RIN3: variants seen among roughly 807,000 people sequenced by gnomAD.
RIN3 encodes the protein Ras and Rab interactor 3, also known as RAB5 interacting protein 3.
RIN3 carries 54 observed loss-of-function variants against 76.3 expected under a neutral mutation model. That is an observed-to-expected ratio of 0.71 (90% confidence interval 0.57 to 0.89). The LOEUF (loss-of-function observed/expected upper bound fraction) is 0.89. Among genes scored for constraint, RIN3 ranks in the 40% least tolerant of loss-of-function variants. The pLI, the probability that RIN3 is intolerant of heterozygous loss-of-function variation, is 0.00. For missense variants in RIN3, 1,256 were observed against 1,322.1 expected (o/e 0.95, Z 0.78); for synonymous variants, 576 against 564.0 (o/e 1.02, Z -0.30).
At chr14:92,614,825 T>C (rs1885888439) in intron 3 of RIN3, among the ~76,000 whole-genome samples, 3 of 147,694 alleles carry the variant, frequency 2.0e-5, no homozygotes, top group Admixed American at 2.0e-4. Flanking sequence ...ATATATAAAT[T>C]ATCCAGTCTC....
chr14:92,522,023 A>C (rs781139404), intron 1 of RIN3, among the ~76,000 whole-genome samples: 2 of 152,068 alleles, frequency 1.3e-5, no homozygotes, highest in Non-Finnish European at 2.9e-5. Context: ...GAGCCCTAAG[A>C]ATCTGGGGTG....
chr14:92,583,756 T>C (rs777915784), intron 3 of RIN3, among the ~76,000 whole-genome samples: 16 of 152,246 alleles, frequency 1.1e-4, no homozygotes, highest in Non-Finnish European at 1.9e-4. Flanking sequence ...TTCATTTTAA[T>C]GGCTGCATAG....
chr14:92,599,556 T>C (rs1885271608), intron 3 of RIN3, among the ~76,000 whole-genome samples: 1 of 152,010 alleles, frequency 6.6e-6, no homozygotes. Context: ...TGAGCGTCGG[T>C]GCCTGGGAGA....
intron 4 of RIN3, among the ~76,000 whole-genome samples, chr14:92,618,338 G>C (rs1886048037): frequency 1.3e-5 from 2 of 152,118 alleles, no homozygotes; most frequent in Non-Finnish European, 2.9e-5. Flanking sequence ...TCACATCAAG[G>C]ATGCCATCGT....
intron 1 of RIN3, among the ~76,000 whole-genome samples, chr14:92,538,275 G>A (rs1897054303): frequency 6.6e-6 from 1 of 152,320 alleles, no homozygotes; most frequent in East Asian, 1.9e-4. Context: ...GGCCCTTAGG[G>A]ACGATTTTTA....
intron 2 of RIN3, among the ~76,000 whole-genome samples, chr14:92,575,460 G>C (rs968990157): frequency 1.3e-5 from 2 of 152,130 alleles, no homozygotes; most frequent in Non-Finnish European, 2.9e-5. Flanking sequence ...CTGGTACACT[G>C]TCTCATACTC....
At chr14:92,528,542 C>T (rs1433226871) in intron 1 of RIN3, among the ~76,000 whole-genome samples, 3 of 151,956 alleles carry the variant, frequency 2.0e-5, no homozygotes, top group Non-Finnish European at 4.4e-5. Context: ...CCCCCTTGTC[C>T]ACTCCACTCA....
intron 4 of RIN3, among the ~76,000 whole-genome samples, chr14:92,622,935 C>T (rs538951006): frequency 4.7e-4 from 72 of 152,278 alleles, no homozygotes; most frequent in Non-Finnish European, 8.5e-4. Flanking sequence ...ATTTCGTGTT[C>T]GTTCACGGGG....
At chr14:92,614,773 T>C (rs1017887349) in intron 3 of RIN3, among the ~76,000 whole-genome samples, 5 of 150,206 alleles carry the variant, frequency 3.3e-5, no homozygotes, top group Admixed American at 2.0e-4. Context: ...ACCAGCCACA[T>C]AGAACTGTGA....
intron 8 of RIN3, 42 bp from the exon 9 acceptor site, chr14:92,684,945 G>C (rs374119830): frequency 6.3e-7 from 1 of 1,583,300 alleles, no homozygotes; most frequent in Non-Finnish European, 8.6e-7. Context: ...TCTGGTGGGC[G>C]GAGGCGGTCC....
chr14:92,625,032 C>A (rs1028446804), intron 4 of RIN3, among the ~76,000 whole-genome samples: 9 of 152,188 alleles, frequency 5.9e-5, no homozygotes, highest in East Asian at 1.9e-4. Flanking sequence ...CAAGAGGCAG[C>A]GTTTGCGCTA....
At chr14:92,640,209 CCTGA>C (rs371051624) in intron 4 of RIN3, among the ~76,000 whole-genome samples, 4,303 of 77,126 alleles carry the variant, frequency 0.056, 363 homozygotes, top group Non-Finnish European at 0.087. Flanking sequence ...TCGGGGGCTG[CCTGA>C]CTGTGCGTTT....
At chr14:92,563,283 C>T (rs1281488501) in intron 2 of RIN3, among the ~76,000 whole-genome samples, 2 of 152,122 alleles carry the variant, frequency 1.3e-5, no homozygotes, top group Non-Finnish European at 2.9e-5. Flanking sequence ...ATCGCTTGAA[C>T]CCGGGAGGCA....
At chr14:92,686,527 C>T (rs1595512417) in intron 9 of RIN3, 1 of 152,342 alleles carries the variant, frequency 6.6e-6, no homozygotes, top group Non-Finnish European at 1.5e-5. Flanking sequence ...CCTCCCAACA[C>T]CCCGGACTCC....
At position 92,652,344 on chromosome 14, in the gene RIN3, A is replaced by G. The variant is rs745897390; in HGVS notation, c.1295A>G (p.Gln432Arg). The G allele has an allele frequency of 6.2e-7, 1 of 1,605,258 alleles. No homozygotes were observed. Among genetic ancestry groups the G allele is most frequent in the South Asian group, 1.1e-5 (1 of 90,030 alleles). ...GACACGCCCCGGGAGAGCACGGAGCAAGGCCAGGACACAGAGGTGAAAGCC... is the reference window on the plus strand; with the variant it reads ...GACACGCCCCGGGAGAGCACGGAGCGAGGCCAGGACACAGAGGTGAAAGCC... ...PEDTPRESTE[Q>R]GQDTEVKASD... The change falls in exon 6 of 10, where the codon CAA becomes CGA. Residue 432 changes from glutamine to arginine, a missense_variant. Gln to Arg is a conservative substitution (Grantham distance 43, BLOSUM62 1). This residue lies in a region of RIN3 where 610 missense variants were observed against 626.4 expected (regional missense o/e 0.97). Transcript: ENST00000216487. This position sits in a 1 kb window ranked among gnomAD's most constrained non-coding sequence, Gnocchi z 6.4.
intron 8 of RIN3, among the ~76,000 whole-genome samples, chr14:92,678,103 T>C (rs1566901692): frequency 6.8e-6 from 1 of 147,676 alleles, no homozygotes; most frequent in South Asian, 2.2e-4. Flanking sequence ...CCCATCCATC[T>C]ATGCACTCAT....
In RIN3 at chr14:92,641,313, C is replaced by T. The variant is rs771359051; in HGVS notation, c.516C>T (p.Ile172=). The T allele has an allele frequency of 2.2e-5, 36 of 1,613,722 alleles. No individual in the cohort carries two copies. Among genetic ancestry groups the T allele is most frequent in the Non-Finnish European group, 2.8e-5 (33 of 1,179,702 alleles). ...EASSFTDLET[I]ANLGLGFWDS... is the part of the protein sequence containing the mutation. The stretch of plus-strand genomic sequence containing the variant: ...GCAGCTTCACGGACCTTGAGACCAT[C>T]GCCAACCTGGGTCTGGGTGAGTCTT... The change falls in exon 5 of 10, where the codon ATC becomes ATT. Residue 172 remains isoleucine, a synonymous_variant. Transcript: ENST00000216487.
chr14:92,582,488 C>G (rs1027923029), intron 3 of RIN3, among the ~76,000 whole-genome samples: 5 of 144,410 alleles, frequency 3.5e-5, no homozygotes, highest in African/African-American at 1.3e-4. Flanking sequence ...TGCTCTATCG[C>G]CCAGGCCGGA....
At chr14:92,533,701 C>T (rs1053438910) in intron 1 of RIN3, among the ~76,000 whole-genome samples, 4 of 152,020 alleles carry the variant, frequency 2.6e-5, no homozygotes, top group African/African-American at 7.3e-5. Flanking sequence ...ATACAATGGA[C>T]TCTGGGGACT....
Sources: allele counts gnomAD v4.1 joint callset (sites outside exome capture counted in the v4.1 genomes callset), GRCh38; gene constraint gnomAD v4.1.1; regional missense constraint gnomAD v4.1.1; non-coding constraint Gnocchi (gnomAD v3.1); transcripts MANE v1.5; gene names NCBI Gene and HGNC (gene_info 2026-07-23, HGNC 2026-07-21).